EFR3A: variants seen among roughly 807,000 people sequenced by gnomAD.
EFR3A encodes EFR3 homolog A.
A neutral mutation model predicts 104.4 loss-of-function variants in EFR3A; 76 were observed. That is an observed-to-expected ratio of 0.73 (90% confidence interval 0.60 to 0.88). EFR3A has a LOEUF of 0.88. EFR3A is among the 40% of genes least tolerant of loss of function. EFR3A has a pLI of 0.00. For missense variants in EFR3A, 985 were observed against 1,012.5 expected (o/e 0.97, Z 0.37); for synonymous variants, 330 against 330.0 (o/e 1.00, Z 0.00).
At chr8:131,979,973 G>C (rs1174363935) in intron 14 of EFR3A, among the ~76,000 whole-genome samples, 2 of 152,086 alleles carry the variant, frequency 1.3e-5, no homozygotes, top group African/African-American at 4.8e-5. Flanking sequence ...GATATTTATG[G>C]TTATTTGCAT....
At chr8:131,921,897 G>T (rs1021267136) in intron 1 of EFR3A, among the ~76,000 whole-genome samples, 6 of 152,130 alleles carry the variant, frequency 3.9e-5, no homozygotes, top group Admixed American at 6.5e-5. Context: ...TGTACATGTT[G>T]TACGAAATCT....
At chr8:131,937,909 G>A (rs988756844) in intron 1 of EFR3A, among the ~76,000 whole-genome samples, 4 of 151,758 alleles carry the variant, frequency 2.6e-5, no homozygotes, top group African/African-American at 9.7e-5. Context: ...CTAAAGGAAT[G>A]CTTTAAGGAA....
intron 20 of EFR3A, among the ~76,000 whole-genome samples, chr8:132,002,223 T>G (rs985841642): frequency 6.6e-6 from 1 of 152,174 alleles, no homozygotes; most frequent in African/African-American, 2.4e-5. Flanking sequence ...TTAGCAAATA[T>G]TTTATGTAGT....
intron 1 of EFR3A, among the ~76,000 whole-genome samples, chr8:131,936,613 A>G (rs1228839114): frequency 1.3e-5 from 2 of 152,078 alleles, no homozygotes; most frequent in Admixed American, 1.3e-4. Context: ...TCTGCCAGCT[A>G]TAAATCAGGA....
intron 1 of EFR3A, among the ~76,000 whole-genome samples, chr8:131,930,545 T>G (rs1248932693): frequency 1.3e-5 from 2 of 151,704 alleles, no homozygotes; most frequent in Non-Finnish European, 2.9e-5. Flanking sequence ...ATAATTTCAC[T>G]TTTCCTTTAC....
chr8:131,945,143 G>C (rs1013683683), intron 3 of EFR3A, among the ~76,000 whole-genome samples: 9 of 151,822 alleles, frequency 5.9e-5, no homozygotes, highest in Non-Finnish European at 8.8e-5. Flanking sequence ...TTTCTAATGG[G>C]AAATAGTAGA....
intron 19 of EFR3A, among the ~76,000 whole-genome samples, chr8:132,000,254 G>A (rs1821721156): frequency 1.3e-5 from 2 of 152,078 alleles, no homozygotes; most frequent in Admixed American, 1.3e-4. Context: ...TCAGCCTCCT[G>A]AGTAGCTGGG....
intron 1 of EFR3A, among the ~76,000 whole-genome samples, chr8:131,937,047 A>G (rs868341233): frequency 2.2e-4 from 34 of 152,194 alleles, no homozygotes; most frequent in Middle Eastern, 3.4e-3. Flanking sequence ...TGACTAACCC[A>G]CACCAGAAGC....
chr8:131,904,137 G>A lies in EFR3A; in HGVS notation c.-176G>A. 1 of 686,746 alleles carries A rather than the reference G, an allele frequency of 1.5e-6. No individual in the cohort carries two copies. Among genetic ancestry groups the A allele is most frequent in the Non-Finnish European group, 2.0e-6 (1 of 494,340 alleles). The allele number at this position is 686,746 out of a possible 1,614,324, so 42.5% of individuals were successfully genotyped here. A position where few individuals can be genotyped will look rare whatever the true frequency, so the allele number is the denominator to read the frequency against. On this transcript the variant is annotated 5_prime_UTR_variant, in exon 1 of 23. Coordinates refer to ENST00000254624, the MANE Select transcript of EFR3A (RefSeq NM_015137.6). Reference sequence around the variant, plus strand: ...GAGGAGTGGGCTGGCGGCGGTAGCTGTCGCCCGCTTGGTTGCGTGACCGCG... The same window carrying A: ...GAGGAGTGGGCTGGCGGCGGTAGCTATCGCCCGCTTGGTTGCGTGACCGCG...
At chr8:131,991,029 G>A (rs1386166035) in intron 18 of EFR3A, among the ~76,000 whole-genome samples, 1 of 152,136 alleles carries the variant, frequency 6.6e-6, no homozygotes, top group African/African-American at 2.4e-5. Flanking sequence ...AGACATACCA[G>A]AGACTGGGCA....
At chr8:131,913,368 A>C (rs1324089487) in intron 1 of EFR3A, among the ~76,000 whole-genome samples, 2 of 151,690 alleles carry the variant, frequency 1.3e-5, no homozygotes, top group Non-Finnish European at 2.9e-5. Flanking sequence ...ATGGTATCAT[A>C]TTATCCCTTT....
chr8:131,904,515 G>C (rs1816144171), intron 1 of EFR3A, among the ~76,000 whole-genome samples, 193 bp downstream of exon 1: 1 of 152,272 alleles, frequency 6.6e-6, no homozygotes, highest in Non-Finnish European at 1.5e-5. Flanking sequence ...TGCACGGATC[G>C]GGAAACTGAG....
In EFR3A at chr8:131,976,068, A is replaced by G; in HGVS notation, c.1201A>G (p.Ile401Val). The change falls in exon 11 of 23, where the codon ATC becomes GTC. Residue 401 changes from isoleucine to valine, a missense_variant. Coordinates refer to ENST00000254624, the MANE Select transcript of EFR3A (RefSeq NM_015137.6). ...SNLPDYQRSE[I>V]MMFIMGKVPV... The stretch of plus-strand genomic sequence containing the variant: ...CCTACCAGATTATCAGAGGTCAGAA[A>G]TCATGATGTTCATTATGGGGAAAGT... The G allele has an allele frequency of 6.2e-7, 1 of 1,607,746 alleles. No individual in the cohort carries two copies. The highest frequency in any genetic ancestry group is 8.5e-7 in the Non-Finnish European group (1 of 1,176,692).
At chr8:131,950,713 A>G (rs1352023811) in intron 5 of EFR3A, among the ~76,000 whole-genome samples, 2 of 152,176 alleles carry the variant, frequency 1.3e-5, no homozygotes, top group African/African-American at 2.4e-5. Context: ...TGCCTGGTAC[A>G]TAGTAGGCTC....
intron 14 of EFR3A, among the ~76,000 whole-genome samples, chr8:131,981,728 A>C (rs1288595609): frequency 6.6e-6 from 1 of 152,068 alleles, no homozygotes; most frequent in African/African-American, 2.4e-5. Context: ...TGTTCAGGCA[A>C]CTGTGTCTTA....
Position 132,011,394 on chromosome 8 carries a change from C to T in EFR3A, c.*499C>T, listed in dbSNP as rs1452596308. 1.0e-5 allele frequency: 10 copies of T among 985,906 alleles called. No individual in the cohort carries two copies. The highest frequency in any genetic ancestry group is 1.2e-5 in the Non-Finnish European group (10 of 830,332). 61.1% of individuals were successfully genotyped at this position (985,906 alleles called of 1,614,324 possible). A position where few individuals can be genotyped will look rare whatever the true frequency, so the allele number is the denominator to read the frequency against. On this transcript the variant is annotated 3_prime_UTR_variant, in exon 23 of 23. Coordinates refer to ENST00000254624, the MANE Select transcript of EFR3A (RefSeq NM_015137.6). Reference sequence around the variant, plus strand: ...TTTTTGTCCCCATGCTTTAGATAAGCTGGGATAGGCACCTTGCTATTCAGT... The same window carrying T: ...TTTTTGTCCCCATGCTTTAGATAAGTTGGGATAGGCACCTTGCTATTCAGT...
intron 8 of EFR3A, among the ~76,000 whole-genome samples, 183 bp from the exon 9 acceptor site, chr8:131,968,112 T>A (rs918453019): frequency 6.6e-6 from 1 of 152,176 alleles, no homozygotes; most frequent in African/African-American, 2.4e-5. Flanking sequence ...GTCATAAATA[T>A]TTTCCAGCAT....
chr8:131,966,151 G>T (rs1481837492), intron 8 of EFR3A, among the ~76,000 whole-genome samples: 1 of 151,996 alleles, frequency 6.6e-6, no homozygotes, highest in Non-Finnish European at 1.5e-5. Context: ...CATGGCACAT[G>T]TATACATATG....
chr8:131,904,256 G>A lies in EFR3A; in HGVS notation c.-57G>A. The A allele has an allele frequency of 2.3e-6, 3 of 1,280,880 alleles. No homozygotes were observed. Among genetic ancestry groups the A allele is most frequent in the Non-Finnish European group, 9.9e-7 (1 of 1,011,810 alleles). The allele number at this position is 1,280,880 out of a possible 1,614,324, so 79.3% of individuals were successfully genotyped here. A position where few individuals can be genotyped will look rare whatever the true frequency, so the allele number is the denominator to read the frequency against. ...CAACGGCCGTCATGGTGCCGTCGGC[G>A]CTCCCTGCGCGGCCCCGCTGAGCCT... On this transcript the variant is annotated 5_prime_UTR_variant, in exon 1 of 23. Coordinates refer to ENST00000254624, the MANE Select transcript of EFR3A (RefSeq NM_015137.6).
Sources: gnomAD v4.1 joint callset for allele counts (sites outside exome capture counted in the v4.1 genomes callset) on GRCh38, gnomAD v4.1.1 for gene constraint, MANE v1.5 for transcripts, NCBI Gene and HGNC (gene_info 2026-07-23, HGNC 2026-07-21) for gene names.